RPUSD2: variants seen among roughly 807,000 people sequenced by gnomAD.
RPUSD2 encodes pseudouridylate synthase RPUSD2.
RPUSD2 carries 31 observed loss-of-function variants against 41.5 expected under a neutral mutation model. The ratio of observed to expected loss-of-function variants is 0.75; its 90% CI spans 0.56 to 1.01. RPUSD2 has a LOEUF of 1.01. RPUSD2 is among the 50% of genes least tolerant of loss of function. RPUSD2 has a pLI of 0.00. For synonymous variants in RPUSD2, 305 were observed against 289.7 expected (o/e 1.05, Z -0.54); for missense variants, 749 against 724.7 (o/e 1.03, Z -0.38).
Position 40,571,900 on chromosome 15 carries a change from G to A in RPUSD2, c.903G>A (p.Gln301=), listed in dbSNP as rs746791298. ...TTCACGAGCAGGTTCGGGACCGGCAGGTGAGTCAGGCTTTTGTCTCCTACA... is the reference window on the plus strand; with the variant it reads ...TTCACGAGCAGGTTCGGGACCGGCAAGTGAGTCAGGCTTTTGTCTCCTACA... ...ERIHEQVRDR[Q]LEKEYVCRVE... Residue 301 remains glutamine (Q), a splice_region_variant and synonymous_variant, in exon 2 of 3, where the codon CAG becomes CAA. Transcript: ENST00000315616. 1 of 1,612,412 alleles carries A rather than the reference G, an allele frequency of 6.2e-7. No individual in the cohort carries two copies. Among genetic ancestry groups the A allele is most frequent in the South Asian group, 1.1e-5 (1 of 91,052 alleles).
chr15:40,572,945 G>A (rs552783229), intron 2 of RPUSD2, among the ~76,000 whole-genome samples: 5 of 151,348 alleles, frequency 3.3e-5, no homozygotes, highest in African/African-American at 1.2e-4. Context: ...ACCAGGCTTA[G>A]TATCAAGCAC....
At chr15:40,570,101 C>T in intron 1 of RPUSD2, 158 bp downstream of exon 1, 1 of 1,070,952 alleles carries the variant, frequency 9.3e-7, no homozygotes, top group East Asian at 2.8e-5. Flanking sequence ...ACTATTTTAG[C>T]CCGTTTCCCA....
chr15:40,570,494 C>G (rs750970926), intron 1 of RPUSD2, among the ~76,000 whole-genome samples: 1 of 152,168 alleles, frequency 6.6e-6, no homozygotes, highest in Non-Finnish European at 1.5e-5. Flanking sequence ...ACTACTTAAA[C>G]TATTTAACAT....
intron 2 of RPUSD2, among the ~76,000 whole-genome samples, chr15:40,572,281 G>T (rs1333248066): frequency 2.2e-5 from 3 of 134,630 alleles, no homozygotes; most frequent in Non-Finnish European, 5.0e-5. Context: ...AAAAAAAAAA[G>T]GCCAGGCGCA....
At chr15:40,571,164 G>T (rs1203354562) in intron 1 of RPUSD2, among the ~76,000 whole-genome samples, 1 of 151,954 alleles carries the variant, frequency 6.6e-6, no homozygotes, top group Non-Finnish European at 1.5e-5. Flanking sequence ...GCTAATTTTT[G>T]TATTTTTAGT....
chr15:40,569,991 G>GT lies in RPUSD2; in HGVS notation c.606+48_606+49insT, dbSNP rs1168282794. The GT allele has an allele frequency of 9.9e-5, 98 of 988,270 alleles. 1 individual carries two copies. In the African/African-American group the frequency reaches 1.4e-3, roughly 14 times the overall value. The allele number at this position is 988,270 out of a possible 1,614,324, so 61.2% of individuals were successfully genotyped here. Reference sequence around the variant, plus strand: ...CAGAAGCGGGCGAGGAAAAGGGGCCGGGTTTTGTTTTGTTTTGTTTTGTTT... The same window carrying GT: ...CAGAAGCGGGCGAGGAAAAGGGGCCGTGGTTTTGTTTTGTTTTGTTTTGTTT... On this transcript the variant is annotated intron_variant, in intron 1 of 2. Coordinates refer to ENST00000315616, the MANE Select transcript of RPUSD2 (RefSeq NM_152260.3).
Position 40,573,750 on chromosome 15 carries a change from T to G in RPUSD2, c.1127T>G (p.Leu376Arg). 1 of 1,614,232 alleles carries G rather than the reference T, an allele frequency of 6.2e-7. No homozygotes were observed. Residue 376 changes from leucine to arginine, a missense_variant, in exon 3 of 3, where the codon CTT becomes CGT. Transcript: ENST00000315616. The part of the protein sequence containing the change: ...TGRTHQIRVH[L>R]QFLGHPILND... ...CGCACACACCAGATTCGAGTCCACC[T>G]TCAGTTCTTGGGCCATCCCATTCTC...
At chr15:40,572,296 C>T (rs1349903341) in intron 2 of RPUSD2, among the ~76,000 whole-genome samples, 2 of 150,324 alleles carry the variant, frequency 1.3e-5, no homozygotes, top group Non-Finnish European at 3.0e-5. Context: ...GGCGCAGTGG[C>T]TCACGCCTGT....
rs753996173 is a variant in RPUSD2 at position 40,574,100 on chromosome 15, CAA to C, written c.1478_1479del (p.Gln493ArgfsTer31). 9 of 1,614,186 alleles carry C rather than the reference CAA, an allele frequency of 5.6e-6. No individual in the cohort carries two copies. The highest frequency in any genetic ancestry group is 7.6e-6 in the Non-Finnish European group (9 of 1,180,032). On this transcript the variant is annotated frameshift_variant, in exon 3 of 3. Transcript: ENST00000315616. LOFTEE classifies it high-confidence loss of function. The part of the protein sequence containing the change: ...EKAVETDVMN[Q>X]ETDPLCAECR... ...GGCAGTTGAAACAGATGTCATGAATCAAGAGACAGACCCACTCTGTGCAGAGT... is the reference window on the plus strand; with the variant it reads ...GGCAGTTGAAACAGATGTCATGAATCGAGACAGACCCACTCTGTGCAGAGT...
At position 40,569,429 on chromosome 15, in the gene RPUSD2, A is replaced by G; in HGVS notation, c.92A>G (p.Asp31Gly). ...AGCTTTACCAGGACTTGGAGTGGCG[A>G]TAAGGGCCCAATGGCAGAAACAGTG... ...RPSFTRTWSG[D>G]KGPMAETVST... is the part of the protein sequence containing the mutation. Residue 31 changes from aspartate (D) to glycine (G), a missense_variant, in exon 1 of 3, where the codon GAT becomes GGT. By Grantham distance (94) the Asp-to-Gly change is moderately conservative (BLOSUM62 -1). Coordinates refer to ENST00000315616, the MANE Select transcript of RPUSD2 (RefSeq NM_152260.3). 6.4e-7 allele frequency: 1 copy of G among 1,559,406 alleles called. No homozygotes were observed. The highest frequency in any genetic ancestry group is 8.6e-7 in the Non-Finnish European group (1 of 1,158,186).
intron 1 of RPUSD2, among the ~76,000 whole-genome samples, chr15:40,571,281 TAA>T (rs1891132446): frequency 6.6e-6 from 1 of 152,160 alleles, no homozygotes; most frequent in South Asian, 2.1e-4. Flanking sequence ...TGCGCCCGGC[TAA>T]AAAATTTTAC....
At chr15:40,573,311 C>T (rs532752190) in intron 2 of RPUSD2, among the ~76,000 whole-genome samples, 8 of 152,270 alleles carry the variant, frequency 5.3e-5, no homozygotes, top group Non-Finnish European at 8.8e-5. Context: ...AGGCGTGAGC[C>T]ACCTCACCCA....
chr15:40,569,631 G>C lies in RPUSD2; in HGVS notation c.294G>C (p.Lys98Asn). 1 of 1,539,592 alleles carries C rather than the reference G, an allele frequency of 6.5e-7. No individual in the cohort carries two copies. The highest frequency in any genetic ancestry group is 1.4e-5 in the African/African-American group (1 of 73,706). Reference protein sequence around the residue: ...HPSAAAPGPGKHKKRRGATRE... With the variant: ...HPSAAAPGPGNHKKRRGATRE... ...CGGCTGCAGCCCCAGGCCCGGGCAA[G>C]CATAAGAAGCGGCGGGGCGCAACCA... is the stretch of plus-strand genomic sequence containing the variant. Residue 98 changes from lysine to asparagine, a missense_variant, in exon 1 of 3, where the codon AAG becomes AAC. By Grantham distance (94) the Lys-to-Asn change is moderately conservative. Coordinates refer to ENST00000315616, the MANE Select transcript of RPUSD2 (RefSeq NM_152260.3).
chr15:40,570,117 G>A, intron 1 of RPUSD2, 174 bp downstream of exon 1: 2 of 865,160 alleles, frequency 2.3e-6, no homozygotes, highest in Non-Finnish European at 3.3e-6. Flanking sequence ...TCCCACCTCC[G>A]CAAGTGGCCA....
At position 40,573,516 on chromosome 15, in the gene RPUSD2, C is replaced by G; in HGVS notation, c.904-11C>G. ...TTTGTACTGACTTTCTCCCTCTTCC[C>G]TCCTATGTAGCTGGAGAAGGAGTAC... is the stretch of plus-strand genomic sequence containing the variant. On this transcript the variant is annotated splice_polypyrimidine_tract_variant and intron_variant, in intron 2 of 2. Transcript: ENST00000315616. 6.2e-7 allele frequency: 1 copy of G among 1,603,538 alleles called. No individual in the cohort carries two copies. The highest frequency in any genetic ancestry group is 1.1e-5 in the South Asian group (1 of 88,720).
At chr15:40,570,055 T>C in intron 1 of RPUSD2, 112 bp downstream of exon 1, 6 of 1,329,114 alleles carry the variant, frequency 4.5e-6, no homozygotes, top group Non-Finnish European at 5.9e-6. Flanking sequence ...ATTAAAATCA[T>C]GGCAATTCTA....
At position 40,573,778 on chromosome 15, in the gene RPUSD2, C is replaced by T. The variant is rs368437263; in HGVS notation, c.1155C>T (p.Asn385=). The T allele has an allele frequency of 4.3e-6, 7 of 1,614,124 alleles. No homozygotes were observed. The highest frequency in any genetic ancestry group is 3.4e-6 in the Non-Finnish European group (4 of 1,180,046). ...HLQFLGHPIL[N]DPIYNSVAWG... ...AGTTCTTGGGCCATCCCATTCTCAA[C>T]GACCCCATCTACAACTCAGTTGCCT... The change falls in exon 3 of 3, where the codon AAC becomes AAT. Residue 385 remains asparagine, a synonymous_variant. Transcript: ENST00000315616.
chr15:40,574,436 T>G lies in RPUSD2; in HGVS notation c.*175T>G, dbSNP rs556756467. 1 of 652,622 alleles carries G rather than the reference T, an allele frequency of 1.5e-6. No homozygotes were observed. Among genetic ancestry groups the G allele is most frequent in the Non-Finnish European group, 2.5e-6 (1 of 397,616 alleles). 40.4% of individuals were successfully genotyped at this position (652,622 alleles called of 1,614,324 possible). A position where few individuals can be genotyped will look rare whatever the true frequency, so the allele number is the denominator to read the frequency against. On this transcript the variant is annotated 3_prime_UTR_variant, in exon 3 of 3. Coordinates refer to ENST00000315616, the MANE Select transcript of RPUSD2 (RefSeq NM_152260.3). The stretch of plus-strand genomic sequence containing the variant: ...GTGGGAATTTGGAGACTTTTTGGTT[T>G]GTAAATATATCCCTTTTTCTAACAT...
intron 1 of RPUSD2, among the ~76,000 whole-genome samples, 163 bp from the exon 2 acceptor site, chr15:40,571,441 G>A (rs904456994): frequency 2.0e-5 from 3 of 152,086 alleles, no homozygotes; most frequent in East Asian, 1.9e-4. Context: ...GTGTCTGTCT[G>A]TATTTTTACA....
Sources: gnomAD v4.1 joint callset for allele counts (sites outside exome capture counted in the v4.1 genomes callset) on GRCh38, gnomAD v4.1.1 for gene constraint, MANE v1.5 for transcripts, NCBI Gene and HGNC (gene_info 2026-07-23, HGNC 2026-07-21) for gene names.